The following DOCK3 variants were observed in gnomAD, a reference collection of about 807,000 sequenced individuals.
DOCK3 encodes dedicator of cytokinesis protein 3.
Under a neutral mutation model 265.6 loss-of-function variants are expected in DOCK3, and 60 were observed. That is an observed-to-expected ratio of 0.23 (90% CI 0.18 to 0.28). The LOEUF (loss-of-function observed/expected upper bound fraction) is 0.28, where lower values mean the gene tolerates loss of function less well. DOCK3 is among the 10% of genes least tolerant of loss of function. DOCK3 has a pLI of 1.00. For missense variants in DOCK3, 1,981 were observed against 2,594.3 expected, an observed-to-expected ratio of 0.76 and a Z score of 5.14; for synonymous variants, 881 against 938.0, an observed-to-expected ratio of 0.94 and a Z score of 1.11.
intron 22 of DOCK3, among the ~76,000 whole-genome samples, chr3:51,248,714 C>T (rs1249806973): frequency 6.6e-6 from 1 of 151,834 alleles, no homozygotes; most frequent in Non-Finnish European, 1.5e-5. Flanking sequence ...TGAGGAGCGT[C>T]TCCGCCCGGC....
At chr3:51,355,193 C>T (rs2086279770) in intron 41 of DOCK3, among the ~76,000 whole-genome samples, 170 bp downstream of exon 41, 1 of 152,194 alleles carries the variant, frequency 6.6e-6, no homozygotes, top group Non-Finnish European at 1.5e-5. Flanking sequence ...GGCACTAATA[C>T]CTCAAAGAGG....
At chr3:50,793,659 A>G (rs1377900106) in intron 2 of DOCK3, among the ~76,000 whole-genome samples, 1 of 152,016 alleles carries the variant, frequency 6.6e-6, no homozygotes, top group Non-Finnish European at 1.5e-5. Context: ...TGCCTGGCCT[A>G]TTTTATTAAT....
chr3:51,093,821 T>A (rs1358351777), intron 9 of DOCK3, among the ~76,000 whole-genome samples: 3 of 152,242 alleles, frequency 2.0e-5, no homozygotes, highest in Non-Finnish European at 4.4e-5. Flanking sequence ...AAATAGCTCT[T>A]ACTATTTTGA....
chr3:50,848,712 C>T (rs2107349591), intron 3 of DOCK3, among the ~76,000 whole-genome samples: 1 of 152,284 alleles, frequency 6.6e-6, no homozygotes, highest in South Asian at 2.1e-4. Flanking sequence ...ACCCTAGCTT[C>T]CTTCCAGATT....
intron 2 of DOCK3, among the ~76,000 whole-genome samples, chr3:50,782,576 A>AGTGTGTGTGT (rs145578993): frequency 6.8e-6 from 1 of 147,212 alleles, no homozygotes; most frequent in Admixed American, 6.8e-5. Flanking sequence ...TTATTTTTTG[A>AGTGTGTGTGT]GTGTGTGTGT....
intron 14 of DOCK3, among the ~76,000 whole-genome samples, chr3:51,215,712 A>C (rs1413592466): frequency 1.3e-5 from 2 of 152,150 alleles, no homozygotes; most frequent in African/African-American, 4.8e-5. Context: ...TTCTCTCTCC[A>C]TAGACACTGT....
intron 4 of DOCK3, among the ~76,000 whole-genome samples, chr3:50,913,984 G>C (rs748354919): frequency 6.6e-6 from 1 of 151,970 alleles, no homozygotes; most frequent in African/African-American, 2.4e-5. Flanking sequence ...CTTGTGTTGC[G>C]GGGAGAGGAC....
intron 5 of DOCK3, among the ~76,000 whole-genome samples, chr3:50,984,966 G>A (rs1458349431): frequency 2.6e-5 from 4 of 152,152 alleles, no homozygotes; most frequent in Admixed American, 1.3e-4. Flanking sequence ...TAAGTGACGA[G>A]TATCTATGGG....
intron 2 of DOCK3, among the ~76,000 whole-genome samples, chr3:50,810,863 A>G (rs1297366684): frequency 6.6e-6 from 1 of 152,210 alleles, no homozygotes; most frequent in African/African-American, 2.4e-5. Context: ...TTTCAGGGTG[A>G]TTAAAAAGTT....
intron 27 of DOCK3, among the ~76,000 whole-genome samples, chr3:51,281,019 C>G (rs2081083535): frequency 6.6e-6 from 1 of 152,154 alleles, no homozygotes; most frequent in Non-Finnish European, 1.5e-5. Flanking sequence ...TCATTCCTCT[C>G]TCACACACAC....
intron 9 of DOCK3, among the ~76,000 whole-genome samples, chr3:51,114,369 C>G (rs1007292621): frequency 3.3e-5 from 5 of 152,204 alleles, no homozygotes; most frequent in African/African-American, 9.6e-5. Context: ...TAGGGTGAGG[C>G]AGGGACGCTT....
At chr3:51,051,020 C>T (rs979593891) in intron 5 of DOCK3, among the ~76,000 whole-genome samples, 3 of 151,984 alleles carry the variant, frequency 2.0e-5, no homozygotes, top group African/African-American at 7.3e-5. Flanking sequence ...GGTTTCAGGT[C>T]TAGGACTTAG....
intron 4 of DOCK3, among the ~76,000 whole-genome samples, chr3:50,925,748 G>A (rs1262020000): frequency 2.0e-5 from 3 of 151,882 alleles, no homozygotes; most frequent in Admixed American, 2.0e-4. Flanking sequence ...TGATTGGTTG[G>A]GTGAGTGATG....
At chr3:51,084,489 T>C (rs977410006) in intron 7 of DOCK3, among the ~76,000 whole-genome samples, 1 of 152,114 alleles carries the variant, frequency 6.6e-6, no homozygotes, top group Non-Finnish European at 1.5e-5. Context: ...CCAAGAATAC[T>C]ATACCCAACA....
At chr3:50,725,998 A>G (rs1030561412) in intron 1 of DOCK3, among the ~76,000 whole-genome samples, 7 of 152,178 alleles carry the variant, frequency 4.6e-5, no homozygotes, top group East Asian at 1.9e-4. Context: ...TAAAAATTCA[A>G]TGTTGCTTAA....
At chr3:51,014,119 C>A (rs971038909) in intron 5 of DOCK3, among the ~76,000 whole-genome samples, 10 of 152,312 alleles carry the variant, frequency 6.6e-5, no homozygotes, top group Middle Eastern at 3.4e-3. Flanking sequence ...CCTTGAGCTT[C>A]CTGGGTGGGG....
intron 7 of DOCK3, among the ~76,000 whole-genome samples, chr3:51,086,194 G>A (rs200481737): frequency 7.4e-5 from 11 of 147,680 alleles, no homozygotes; most frequent in Admixed American, 2.0e-4. Flanking sequence ...ATAAAGGGAT[G>A]GGTTTGGCTA....
At chr3:50,978,984 A>G (rs1487653332) in intron 5 of DOCK3, among the ~76,000 whole-genome samples, 1 of 152,114 alleles carries the variant, frequency 6.6e-6, no homozygotes, top group Admixed American at 6.5e-5. Context: ...GAGTGAGGCA[A>G]TGCCTTACCC....
chr3:51,244,925 C>T (rs182455630), intron 21 of DOCK3, among the ~76,000 whole-genome samples: 4 of 151,836 alleles, frequency 2.6e-5, no homozygotes, highest in South Asian at 2.1e-4. Flanking sequence ...GAGAAACATT[C>T]GAATAGCTAA....
Sources: allele counts gnomAD v4.1 joint callset (sites outside exome capture counted in the v4.1 genomes callset), GRCh38; gene constraint gnomAD v4.1.1; transcripts MANE v1.5; gene names NCBI Gene and HGNC (gene_info 2026-07-23, HGNC 2026-07-21).